The following REDIC1 variants were observed in gnomAD, a reference collection of about 807,000 sequenced individuals.
REDIC1 encodes the protein HEI10 Interacting Protein 1.
the REDIC1 span, among the ~76,000 whole-genome samples, chr12:39,649,474 A>G: frequency 1.3e-5 from 2 of 150,868 alleles, no homozygotes; most frequent in Non-Finnish European, 3.0e-5. Flanking sequence ...CACCTCTGTC[A>G]CTCTCTCTTA....
chr12:39,835,755 A>G, the REDIC1 span: 1 of 152,118 alleles, frequency 6.6e-6, no homozygotes, highest in Admixed American at 6.6e-5. Context: ...GAATTAACCA[A>G]TGCACAACAG....
the REDIC1 span, among the ~76,000 whole-genome samples, chr12:39,822,666 T>C: frequency 3.4e-3 from 514 of 152,308 alleles, 1 homozygote; most frequent in African/African-American, 0.011. Context: ...TTTATCCTTA[T>C]AATAAAAATC....
the REDIC1 span, among the ~76,000 whole-genome samples, chr12:39,730,549 C>G: frequency 6.6e-6 from 1 of 152,186 alleles, no homozygotes; most frequent in Non-Finnish European, 1.5e-5. Flanking sequence ...ATGGGCTTCC[C>G]TTTGTGAGTA....
chr12:39,681,131 G>A, the REDIC1 span, among the ~76,000 whole-genome samples: 1 of 152,168 alleles, frequency 6.6e-6, no homozygotes, highest in African/African-American at 2.4e-5. Flanking sequence ...AGTCAGCCGG[G>A]TGTGGTGGCA....
chr12:39,662,483 T>C, the REDIC1 span, among the ~76,000 whole-genome samples: 1 of 151,234 alleles, frequency 6.6e-6, no homozygotes, highest in African/African-American at 2.4e-5. Context: ...GTTGACTTTC[T>C]GTCCTGTAAC....
chr12:39,896,485 TATATGTAC>T, the REDIC1 span, among the ~76,000 whole-genome samples: 1 of 148,160 alleles, frequency 6.7e-6, no homozygotes, highest in Non-Finnish European at 1.5e-5. Context: ...TATATGTGTA[TATATGTAC>T]ACATATATGT....
At chr12:39,891,549 C>T in the REDIC1 span, among the ~76,000 whole-genome samples, 5 of 152,028 alleles carry the variant, frequency 3.3e-5, no homozygotes, top group Non-Finnish European at 7.4e-5. Flanking sequence ...TTCTAGGAGT[C>T]GTGAAATGCA....
chr12:39,637,465 G>T, the REDIC1 span, among the ~76,000 whole-genome samples: 7 of 152,036 alleles, frequency 4.6e-5, no homozygotes, highest in Non-Finnish European at 8.8e-5. Context: ...ACAAAAATTA[G>T]AGAAACACAT....
At chr12:39,899,608 G>A in the REDIC1 span, among the ~76,000 whole-genome samples, 5 of 151,952 alleles carry the variant, frequency 3.3e-5, no homozygotes, top group Non-Finnish European at 7.4e-5. Context: ...GCTTTCTCTT[G>A]TGGGCTTTTA....
the REDIC1 span, among the ~76,000 whole-genome samples, chr12:39,858,697 C>A: frequency 6.6e-6 from 1 of 152,270 alleles, no homozygotes; most frequent in South Asian, 2.1e-4. Flanking sequence ...ACCTCCGCCT[C>A]CCAGGTTCAA....
the REDIC1 span, among the ~76,000 whole-genome samples, chr12:39,712,309 T>TATAC: frequency 1.3e-4 from 6 of 47,284 alleles, no homozygotes; most frequent in Non-Finnish European, 3.2e-4. Context: ...TACATACATA[T>TATAC]ATATGTATAT....
At chr12:39,811,549 A>G in the REDIC1 span, among the ~76,000 whole-genome samples, 1 of 152,080 alleles carries the variant, frequency 6.6e-6, no homozygotes, top group Admixed American at 6.5e-5. Context: ...TTACCTTGTG[A>G]TGTCCTTTTT....
At chr12:39,900,513 C>CA in the REDIC1 span, among the ~76,000 whole-genome samples, 2 of 151,944 alleles carry the variant, frequency 1.3e-5, no homozygotes, top group Non-Finnish European at 2.9e-5. Context: ...AATCAATGTG[C>CA]AAAAATCACA....
the REDIC1 span, among the ~76,000 whole-genome samples, chr12:39,661,790 T>C: frequency 6.6e-6 from 1 of 152,148 alleles, no homozygotes; most frequent in Non-Finnish European, 1.5e-5. Context: ...TTTCAAGCTA[T>C]ACATTTAAGT....
chr12:39,709,974 G>T, the REDIC1 span, among the ~76,000 whole-genome samples: 1 of 151,618 alleles, frequency 6.6e-6, no homozygotes, highest in Non-Finnish European at 1.5e-5. Context: ...CTACATCCTT[G>T]CCAATATTTA....
chr12:39,709,364 T>A, the REDIC1 span, among the ~76,000 whole-genome samples: 1 of 151,774 alleles, frequency 6.6e-6, no homozygotes, highest in Non-Finnish European at 1.5e-5. Flanking sequence ...TTTGCATTAT[T>A]GTTGCAAAAA....
the REDIC1 span, among the ~76,000 whole-genome samples, chr12:39,653,541 TC>T: frequency 8.3e-5 from 2 of 24,216 alleles, 1 homozygote; most frequent in African/African-American, 1.7e-4. Context: ...TTCTTCTTTT[TC>T]TTCTTCTTCT....
chr12:39,674,579 A>AG, the REDIC1 span, among the ~76,000 whole-genome samples: 7,774 of 152,230 alleles, frequency 0.051, 274 homozygotes, highest in Middle Eastern at 0.085. Flanking sequence ...CCAAAGTGTG[A>AG]GGGGGGGATA....
chr12:39,649,691 A>T, the REDIC1 span, among the ~76,000 whole-genome samples: 10 of 151,512 alleles, frequency 6.6e-5, no homozygotes, highest in South Asian at 2.1e-3. Flanking sequence ...TGTTGAATAG[A>T]TTAGTGTTGG....
Sources: allele counts gnomAD v4.1 joint callset (sites outside exome capture counted in the v4.1 genomes callset), GRCh38; gene constraint gnomAD v4.1.1; transcripts MANE v1.5; gene names NCBI Gene and HGNC (gene_info 2026-07-23, HGNC 2026-07-21).